The following SGCD variants were observed in gnomAD, a reference collection of about 807,000 sequenced individuals.
SGCD encodes delta-sarcoglycan.
SGCD carries 18 observed loss-of-function variants against 36.6 expected under a neutral mutation model. The ratio of observed to expected loss-of-function variants is 0.49; its 90% confidence interval spans 0.34 to 0.73. The LOEUF (loss-of-function observed/expected upper bound fraction) is 0.73. Among genes scored for constraint, SGCD ranks in the 30% least tolerant of loss-of-function variants. The pLI, the probability that SGCD is intolerant of heterozygous loss-of-function variation, is 0.01. For missense variants in SGCD, 387 were observed against 346.7 expected (o/e 1.12, Z -0.92); for synonymous variants, 133 against 130.6 (o/e 1.02, Z -0.12).
chr5:155,904,335 C>T (rs942997810), intron 1 of SGCD, among the ~76,000 whole-genome samples: 3 of 152,138 alleles, frequency 2.0e-5, no homozygotes, highest in East Asian at 3.9e-4. Flanking sequence ...AGAGCTTCAA[C>T]CTCATTTGTA....
At chr5:155,809,412 C>A in the SGCD span, among the ~76,000 whole-genome samples, 1 of 152,190 alleles carries the variant, frequency 6.6e-6, no homozygotes, top group South Asian at 2.1e-4. Flanking sequence ...TTAATAAGGA[C>A]ACTAGTCTGG....
chr5:156,101,164 T>C (rs1445579309), intron 1 of SGCD, among the ~76,000 whole-genome samples: 1 of 152,190 alleles, frequency 6.6e-6, no homozygotes, highest in African/African-American at 2.4e-5. Flanking sequence ...AACCATGAGA[T>C]ATAAAATTCT....
chr5:155,734,319 T>C, the SGCD span, among the ~76,000 whole-genome samples: 1 of 151,804 alleles, frequency 6.6e-6, no homozygotes, highest in East Asian at 1.9e-4. Context: ...ATCCTCCCAC[T>C]GCAGCCTTCC....
intron 3 of SGCD, among the ~76,000 whole-genome samples, chr5:156,438,210 G>A (rs1276674692): frequency 1.3e-5 from 2 of 152,148 alleles, no homozygotes; most frequent in Non-Finnish European, 2.9e-5. Context: ...CTGTGAACTG[G>A]CCTCTAAAAG....
intron 3 of SGCD, among the ~76,000 whole-genome samples, chr5:156,222,326 T>C (rs372876871): frequency 1.8e-4 from 28 of 152,238 alleles, no homozygotes; most frequent in Middle Eastern, 6.8e-3. Context: ...TTGGTGGACA[T>C]AAGGTAGAAA....
At chr5:156,366,526 G>A (rs1048624075) in intron 3 of SGCD, among the ~76,000 whole-genome samples, 3 of 152,296 alleles carry the variant, frequency 2.0e-5, no homozygotes, top group Admixed American at 1.3e-4. Context: ...AATTAGCTAA[G>A]TGAAGAATAA....
intron 3 of SGCD, among the ~76,000 whole-genome samples, chr5:156,220,794 C>G (rs1297167661): frequency 2.6e-5 from 4 of 152,138 alleles, no homozygotes; most frequent in Non-Finnish European, 5.9e-5. Context: ...TAAATCTCAG[C>G]CCACAAACTC....
intron 5 of SGCD, among the ~76,000 whole-genome samples, chr5:156,594,393 A>C (rs555278978): frequency 5.9e-5 from 9 of 152,312 alleles, no homozygotes; most frequent in African/African-American, 2.2e-4. Context: ...GCAATTAATT[A>C]CAGTAACCAT....
intron 3 of SGCD, among the ~76,000 whole-genome samples, chr5:156,499,344 A>G (rs994991954): frequency 1.3e-5 from 2 of 152,146 alleles, no homozygotes; most frequent in Non-Finnish European, 2.9e-5. Context: ...TTTCTCTTGC[A>G]ATTAGATATT....
At chr5:156,350,105 G>T (rs1169794108) in intron 3 of SGCD, among the ~76,000 whole-genome samples, 1 of 151,372 alleles carries the variant, frequency 6.6e-6, no homozygotes, top group Non-Finnish European at 1.5e-5. Flanking sequence ...GGAAGGGGAT[G>T]ATGAAGGATG....
chr5:156,578,788 A>G (rs1412665409), intron 4 of SGCD, among the ~76,000 whole-genome samples: 1 of 152,054 alleles, frequency 6.6e-6, no homozygotes, highest in Non-Finnish European at 1.5e-5. Context: ...TATTGCATCT[A>G]TTTGAGTCTT....
intron 6 of SGCD, among the ~76,000 whole-genome samples, chr5:156,629,855 C>CTTTTTTTTT (rs560099325): frequency 1.2e-5 from 1 of 85,622 alleles, no homozygotes; most frequent in Non-Finnish European, 2.4e-5. Flanking sequence ...GAGACTTTTT[C>CTTTTTTTTT]TTTTTTTTTT....
At chr5:155,788,907 G>A in the SGCD span, among the ~76,000 whole-genome samples, 2 of 152,054 alleles carry the variant, frequency 1.3e-5, no homozygotes, top group Non-Finnish European at 2.9e-5. Context: ...GAACAGCAAA[G>A]ACATAAAACG....
Position 156,173,386 on chromosome 5 carries a change from T to C in SGCD, c.-44+49367T>C, listed in dbSNP as rs78252833. 9.4e-3 allele frequency among the ~76,000 whole-genome samples: 1,427 copies of C among 152,280 alleles called. 15 individuals carry two copies. The highest frequency in any genetic ancestry group is 0.033 in the African/African-American group (1,373 of 41,558). On this transcript the variant is annotated intron_variant, in intron 3 of 9. Transcript: ENST00000517913. ...TAGCAACAGTGCTTCAATGCATTAA[T>C]GCACACACAAATATACAAACCCACA...
At chr5:156,111,011 A>G (rs1156343571) in intron 1 of SGCD, among the ~76,000 whole-genome samples, 1 of 152,164 alleles carries the variant, frequency 6.6e-6, no homozygotes, top group African/African-American at 2.4e-5. Context: ...TGTTTAGCAA[A>G]TTGGATCTAT....
At chr5:155,965,326 G>T (rs1757881717) in intron 1 of SGCD, among the ~76,000 whole-genome samples, 1 of 152,108 alleles carries the variant, frequency 6.6e-6, no homozygotes, top group Non-Finnish European at 1.5e-5. Flanking sequence ...TACATCAGCA[G>T]TATCAGAGGC....
At chr5:156,095,244 A>G (rs572091009) in intron 1 of SGCD, among the ~76,000 whole-genome samples, 2 of 152,310 alleles carry the variant, frequency 1.3e-5, no homozygotes, top group South Asian at 2.1e-4. Flanking sequence ...CACATAGCCT[A>G]TGCAGTTAGG....
chr5:156,327,959 A>T (rs866958113), intron 1 of SGCD, among the ~76,000 whole-genome samples: 17 of 152,368 alleles, frequency 1.1e-4, no homozygotes, highest in Middle Eastern at 6.8e-3. Flanking sequence ...TAGATAATAA[A>T]AAAGTAACAG....
intron 3 of SGCD, among the ~76,000 whole-genome samples, chr5:156,172,318 C>G (rs1383766677): frequency 6.6e-6 from 1 of 151,982 alleles, no homozygotes; most frequent in Non-Finnish European, 1.5e-5. Flanking sequence ...ACAAAAAACC[C>G]AAAAAATCAG....
Sources: allele counts gnomAD v4.1 joint callset (sites outside exome capture counted in the v4.1 genomes callset), GRCh38; gene constraint gnomAD v4.1.1; transcripts MANE v1.5; gene names NCBI Gene and HGNC (gene_info 2026-07-23, HGNC 2026-07-21).